Variants in PCDHGA1 observed in about 807,000 individuals in gnomAD.
PCDHGA1 encodes the protein protocadherin gamma subfamily A, 1.
In PCDHGA1, 32 loss-of-function variants were observed where a neutral mutation model predicts 58.0. The observed-to-expected ratio is 0.55, with a 90% CI of 0.42 to 0.74. The LOEUF (loss-of-function observed/expected upper bound fraction) is 0.74, where lower values mean the gene tolerates loss of function less well. Among genes scored for constraint, PCDHGA1 ranks in the 30% least tolerant of loss-of-function variants. The probability of loss-of-function intolerance (pLI) is 0.00; values close to 1 mark genes in which losing one functional copy is unlikely to be tolerated. For synonymous variants in PCDHGA1, 498 were observed against 501.1 expected (o/e 0.99, Z 0.08); for missense variants, 1,205 against 1,182.3 (o/e 1.02, Z -0.28).
chr5:141,339,122 G>A, intron 1 of PCDHGA1: 1 of 1,614,260 alleles, frequency 6.2e-7, no homozygotes, highest in Non-Finnish European at 8.5e-7. Flanking sequence ...CATCGCCAAG[G>A]ACTTGGGTTT....
chr5:141,333,257 A>G (rs1478058369), intron 1 of PCDHGA1, 152 bp downstream of exon 1: 2 of 1,072,592 alleles, frequency 1.9e-6, no homozygotes, highest in Admixed American at 5.0e-5. Flanking sequence ...GATTGAGTCT[A>G]CACGTTCATA....
chr5:141,383,928 T>C (rs543603315), intron 1 of PCDHGA1: 20 of 1,613,902 alleles, frequency 1.2e-5, no homozygotes, highest in Admixed American at 1.7e-5. Flanking sequence ...TAAATGATAA[T>C]GCTCCAGAAG....
chr5:141,351,432 A>T, intron 1 of PCDHGA1: 1 of 1,612,218 alleles, frequency 6.2e-7, no homozygotes, highest in Non-Finnish European at 8.5e-7. Context: ...TTCAAATTAG[A>T]ATCCACCTCG....
At chr5:141,421,281 C>T in intron 1 of PCDHGA1, 2 of 1,612,970 alleles carry the variant, frequency 1.2e-6, no homozygotes, top group South Asian at 2.2e-5. Flanking sequence ...TGCTGCTGTG[C>T]ATTTTCCTGG....
intron 1 of PCDHGA1, chr5:141,341,382 A>G: frequency 6.2e-7 from 1 of 1,614,242 alleles, no homozygotes; most frequent in Non-Finnish European, 8.5e-7. Flanking sequence ...GAAAGAGAAG[A>G]AACGTTTTCT....
intron 1 of PCDHGA1, chr5:141,427,959 C>A: frequency 1.3e-6 from 2 of 1,588,886 alleles, no homozygotes; most frequent in Non-Finnish European, 1.7e-6. Flanking sequence ...CAATGTGCCG[C>A]GGGTGCTGTA....
chr5:141,444,900 T>C (rs997464788), intron 1 of PCDHGA1, among the ~76,000 whole-genome samples: 1 of 152,182 alleles, frequency 6.6e-6, no homozygotes, highest in Non-Finnish European at 1.5e-5. Context: ...TGGGATGGCA[T>C]TGCATCTATA....
chr5:141,501,302 C>T (rs886901737), intron 2 of PCDHGA1, among the ~76,000 whole-genome samples: 14 of 151,156 alleles, frequency 9.3e-5, no homozygotes, highest in African/African-American at 2.9e-4. Flanking sequence ...CACACACACA[C>T]ACACACACAC....
intron 1 of PCDHGA1, among the ~76,000 whole-genome samples, chr5:141,455,419 G>A (rs1462099602): frequency 6.6e-6 from 1 of 152,124 alleles, no homozygotes; most frequent in Non-Finnish European, 1.5e-5. Context: ...AGGGAGCGGG[G>A]CTCCAAAAGA....
At chr5:141,385,158 T>C in intron 1 of PCDHGA1, 2 of 1,614,212 alleles carry the variant, frequency 1.2e-6, no homozygotes, top group African/African-American at 2.7e-5. Context: ...TGCAGACCTA[T>C]TCCCATGAGG....
chr5:141,409,203 T>TC, intron 1 of PCDHGA1: 1 of 1,613,964 alleles, frequency 6.2e-7, no homozygotes, highest in Non-Finnish European at 8.5e-7. Context: ...TGTAAAGTAA[T>TC]CATAGAAATC....
rs1760008721 is a variant in PCDHGA1 at position 141,355,838 on chromosome 5, C to CGGCCT, written c.2421+22734_2421+22738dup. On this transcript the variant is annotated intron_variant, in intron 1 of 3. Transcript: ENST00000517417. ...GAGGCGGTTCACCACCTCGTTCTCA[C>CGGCCT]GGCCTTCGATGGAGGTGACCCGGTT... is the stretch of plus-strand genomic sequence containing the variant. 2.5e-6 allele frequency: 4 copies of CGGCCT among 1,611,996 alleles called. No individual in the cohort carries two copies. In the South Asian group the frequency reaches 4.4e-5, roughly 18 times the overall value.
At chr5:141,463,553 A>G (rs1163004575) in intron 1 of PCDHGA1, among the ~76,000 whole-genome samples, 3 of 140,962 alleles carry the variant, frequency 2.1e-5, no homozygotes, top group Non-Finnish European at 4.5e-5. Context: ...GGTTCATGCC[A>G]TTCTCCTGCC....
At position 141,489,302 on chromosome 5, in the gene PCDHGA1, T is replaced by C. The variant is rs1258736404; in HGVS notation, c.2422-5505T>C. 2 of 1,586,886 alleles carry C rather than the reference T, an allele frequency of 1.3e-6. No homozygotes were observed. The highest frequency in any genetic ancestry group is 2.3e-5 in the South Asian group (2 of 85,378). ...TGGCAAGTGCTGTGCATGTTGTCCT[T>C]GTGCTGCTGGGGCTGGGTGTCTGGG... On this transcript the variant is annotated intron_variant, in intron 1 of 3. Transcript: ENST00000517417. The surrounding 1 kb of genome is among the most constrained non-coding windows in gnomAD (Gnocchi z 4.5).
chr5:141,372,138 G>A, intron 1 of PCDHGA1: 1 of 1,613,746 alleles, frequency 6.2e-7, no homozygotes, highest in Non-Finnish European at 8.5e-7. Context: ...GCCGCGCTCT[G>A]CAGAGCCTGG....
At chr5:141,335,328 G>C (rs1347569919) in intron 1 of PCDHGA1, among the ~76,000 whole-genome samples, 1 of 151,956 alleles carries the variant, frequency 6.6e-6, no homozygotes, top group Non-Finnish European at 1.5e-5. Flanking sequence ...AAAATACACT[G>C]AAACAGTGAA....
At chr5:141,390,223 G>T (rs137959577) in intron 1 of PCDHGA1, 3 of 1,614,020 alleles carry the variant, frequency 1.9e-6, no homozygotes, top group East Asian at 2.2e-5. Context: ...ATACTTTGCG[G>T]TGATTCATCT....
chr5:141,471,562 G>T (rs2099259935), intron 1 of PCDHGA1: 1 of 152,136 alleles, frequency 6.6e-6, no homozygotes, highest in Non-Finnish European at 1.5e-5. Flanking sequence ...TTGACTCAGG[G>T]GTAGCAGTAG....
At chr5:141,388,401 A>G (rs1243768242) in intron 1 of PCDHGA1, 1 of 1,613,908 alleles carries the variant, frequency 6.2e-7, no homozygotes, top group Non-Finnish European at 8.5e-7. Context: ...TTACCAACTC[A>G]GTCCCAGTGA....
Sources: allele counts gnomAD v4.1 joint callset (sites outside exome capture counted in the v4.1 genomes callset), GRCh38; gene constraint gnomAD v4.1.1; non-coding constraint Gnocchi (gnomAD v3.1); transcripts MANE v1.5; gene names NCBI Gene and HGNC (gene_info 2026-07-23, HGNC 2026-07-21).